KRTCAP2: variants seen among roughly 807,000 people sequenced by gnomAD.
The protein encoded by KRTCAP2 is keratinocyte associated protein 2, also known as dolichyl-diphosphooligosaccharide--protein glycosyltransferase subunit KCP2.
A neutral mutation model predicts 16.5 loss-of-function variants in KRTCAP2; 10 were observed. The ratio of observed to expected loss-of-function variants is 0.60; its 90% confidence interval spans 0.37 to 1.02. KRTCAP2 has a LOEUF of 1.02. Ranked by LOEUF, KRTCAP2 falls within the 50% of genes least tolerant of loss-of-function variation. KRTCAP2 has a pLI of 0.01. For synonymous variants in KRTCAP2, 68 were observed against 69.8 expected (o/e 0.97, Z 0.13); for missense variants, 152 against 159.6 (o/e 0.95, Z 0.26).
At chr1:155,171,954 G>C (rs1203237290) in intron 3 of KRTCAP2, 7 of 985,580 alleles carry the variant, frequency 7.1e-6, no homozygotes, top group Non-Finnish European at 7.2e-6. Context: ...GTGAATTTCT[G>C]AGCACGTGGC....
chr1:155,172,841 A>C lies in KRTCAP2; in HGVS notation c.56T>G (p.Leu19Arg). The change falls in exon 2 of 5, where the codon CTC becomes CGC. Residue 19 changes from leucine to arginine, a missense_variant. Transcript: ENST00000295682. ...GCTGTACATCTGCATCCCAGCAAAG[A>C]GCAGCAGGGACAGGAGGGAGGAGAG... is the stretch of plus-strand genomic sequence containing the variant. ...LALSSLLSLLLFAGMQMYSRQ... is the reference protein window; with the variant it reads ...LALSSLLSLLRFAGMQMYSRQ... 1.9e-6 allele frequency: 3 copies of C among 1,614,174 alleles called. No homozygotes were observed.
chr1:155,173,195 C>A (rs1665333749), intron 1 of KRTCAP2, 26 bp downstream of exon 1: 2 of 1,605,862 alleles, frequency 1.2e-6, no homozygotes. Context: ...TCTAGGACTT[C>A]CTGGGGACCC....
intron 3 of KRTCAP2, chr1:155,172,350 C>T: frequency 2.8e-6 from 4 of 1,410,874 alleles, no homozygotes; most frequent in Non-Finnish European, 3.7e-6. Flanking sequence ...CCAGAAGGTA[C>T]CAAAGTTTCT....
rs765597106 is a variant in KRTCAP2, at chr1:155,172,849, G to C, written c.48C>G (p.Ser16=). The C allele has an allele frequency of 4.3e-6, 7 of 1,614,110 alleles. No individual in the cohort carries two copies. Among genetic ancestry groups the C allele is most frequent in the Admixed American group, 1.7e-5 (1 of 60,004 alleles). ...TCTGCATCCCAGCAAAGAGCAGCAG[G>C]GACAGGAGGGAGGAGAGCGCCAGCG... is the stretch of plus-strand genomic sequence containing the variant. ...GTSLALSSLL[S]LLLFAGMQMY... is the part of the protein sequence containing the mutation. Residue 16 remains serine (S), a synonymous_variant, in exon 2 of 5, where the codon TCC becomes TCG. Coordinates refer to ENST00000295682, the MANE Select transcript of KRTCAP2 (RefSeq NM_173852.4).
chr1:155,172,709 C>T lies in KRTCAP2; in HGVS notation c.159+29G>A, dbSNP rs767565372. Reference sequence around the variant, plus strand: ...AGGGGAAGGGCACATGCCTACGTGGCCCGCCCCCTCCAACTGCAGGGAGGA... The same window carrying T: ...AGGGGAAGGGCACATGCCTACGTGGTCCGCCCCCTCCAACTGCAGGGAGGA... On this transcript the variant is annotated intron_variant, in intron 2 of 4. Transcript: ENST00000295682. 3 of 1,614,164 alleles carry T rather than the reference C, an allele frequency of 1.9e-6. No individual in the cohort carries two copies. In the South Asian group the frequency reaches 3.3e-5, roughly 18 times the overall value.
intron 3 of KRTCAP2, 57 bp downstream of exon 3, chr1:155,172,508 G>A (rs1219259888): frequency 1.2e-6 from 2 of 1,613,874 alleles, no homozygotes; most frequent in Non-Finnish European, 1.7e-6. Flanking sequence ...TCAATATCAT[G>A]TTTCAGGAGG....
At chr1:155,169,699 G>T in intron 4 of KRTCAP2, 92 bp downstream of exon 4, 1 of 1,347,504 alleles carries the variant, frequency 7.4e-7, no homozygotes, top group Non-Finnish European at 1.0e-6. Context: ...GAGAGAGGTA[G>T]GTGTGGAAGG....
chr1:155,170,526 T>G (rs1289900463), intron 3 of KRTCAP2: 3 of 152,214 alleles, frequency 2.0e-5, no homozygotes, highest in Non-Finnish European at 4.4e-5. Flanking sequence ...TTAAACCCTT[T>G]CCAAAAGAAG....
At chr1:155,172,316 C>T in intron 3 of KRTCAP2, 1 of 1,356,594 alleles carries the variant, frequency 7.4e-7, no homozygotes, top group Non-Finnish European at 9.5e-7. Context: ...TGCCTGTTCC[C>T]CTCAAACCTT....
chr1:155,171,847 CAAAAA>C (rs56344097), intron 3 of KRTCAP2: 1,352 of 654,408 alleles, frequency 2.1e-3, no homozygotes, highest in South Asian at 2.8e-3. Flanking sequence ...AGCCTTGTCT[CAAAAA>C]AAAAAAAAAA....
chr1:155,172,409 G>A, intron 3 of KRTCAP2, 156 bp downstream of exon 3: 1 of 1,485,370 alleles, frequency 6.7e-7, no homozygotes, highest in Non-Finnish European at 8.9e-7. Context: ...AGCTATACAA[G>A]GTGCAGAATC....
chr1:155,173,148 G>A (rs1479630739), intron 1 of KRTCAP2, 73 bp downstream of exon 1: 3 of 1,315,274 alleles, frequency 2.3e-6, no homozygotes, highest in South Asian at 1.2e-5. Flanking sequence ...TGTCGGGAGA[G>A]GACGAGGAAA....
intron 3 of KRTCAP2, chr1:155,172,353 A>C: frequency 7.1e-7 from 1 of 1,413,328 alleles, no homozygotes. Context: ...GAAGGTACCA[A>C]AGTTTCTTGC....
At chr1:155,169,726 T>A in intron 4 of KRTCAP2, 65 bp downstream of exon 4, 1 of 1,425,072 alleles carries the variant, frequency 7.0e-7, no homozygotes, top group Non-Finnish European at 9.7e-7. Context: ...TCTGGCACCA[T>A]CACAGTAAGA....
At chr1:155,171,556 G>A (rs546436147) in intron 3 of KRTCAP2, 2 of 984,154 alleles carry the variant, frequency 2.0e-6, no homozygotes, top group South Asian at 9.4e-5. Flanking sequence ...AGTCCTAGAG[G>A]GGGGCAAAGA....
chr1:155,169,446 T>C lies in KRTCAP2; in HGVS notation c.405A>G (p.Arg135=). 1.2e-6 allele frequency: 2 copies of C among 1,614,002 alleles called. No individual in the cohort carries two copies. Among genetic ancestry groups the C allele is most frequent in the Non-Finnish European group, 1.7e-6 (2 of 1,179,938 alleles). Residue 135 remains arginine (R), a synonymous_variant, in exon 5 of 5, where the codon AGA becomes AGG. Coordinates refer to ENST00000295682, the MANE Select transcript of KRTCAP2 (RefSeq NM_173852.4). ...CTTTATTGAACATTCAGGGTCAGTT[T>C]CTCTTCTTGCTCTTGCCTGTGACCT... ...PAKVTGKSKK[R]N is the part of the protein sequence containing the mutation.
rs776750626 is a variant in KRTCAP2, at chr1:155,173,210, G to T, written c.4+11C>A. The T allele has an allele frequency of 5.6e-6, 9 of 1,612,150 alleles. No homozygotes were observed. In the Admixed American group the frequency reaches 8.3e-5, roughly 15 times the overall value. The stretch of plus-strand genomic sequence containing the variant: ...TCTAGGACTTCCTGGGGACCCCACC[G>T]GTCCTGTTACCCATCATGCCCCGCC... On this transcript the variant is annotated intron_variant, in intron 1 of 4. Transcript: ENST00000295682.
At chr1:155,173,104 C>T in intron 1 of KRTCAP2, 117 bp downstream of exon 1, 1 of 1,065,958 alleles carries the variant, frequency 9.4e-7, no homozygotes, top group Non-Finnish European at 1.4e-6. Flanking sequence ...GGTGGAAATG[C>T]CCGCTCCCGG....
chr1:155,169,897 T>G (rs1015440289), intron 3 of KRTCAP2, 40 bp from the exon 4 acceptor site: 17 of 1,360,336 alleles, frequency 1.2e-5, no homozygotes, highest in Non-Finnish European at 1.4e-5. Context: ...ACGGTCAGAA[T>G]GGAAATACTA....
Sources: allele counts gnomAD v4.1 joint callset, GRCh38; gene constraint gnomAD v4.1.1; transcripts MANE v1.5; gene names NCBI Gene and HGNC (gene_info 2026-07-23, HGNC 2026-07-21).